ACTR3C: variants seen among roughly 807,000 people sequenced by gnomAD.
ACTR3C encodes actin related protein 3C, also known as actin-related protein 3C.
In ACTR3C, 18 loss-of-function variants were observed where a neutral mutation model predicts 26.3. That is an observed-to-expected ratio of 0.68 (90% CI 0.47 to 1.01). The LOEUF (loss-of-function observed/expected upper bound fraction) is 1.01. Among genes scored for constraint, ACTR3C ranks in the 50% least tolerant of loss-of-function variants. The probability of loss-of-function intolerance (pLI) is 0.00; values close to 1 mark genes in which losing one functional copy is unlikely to be tolerated. For missense variants in ACTR3C, 184 were observed against 250.7 expected (o/e 0.73, Z 1.80); for synonymous variants, 55 against 94.5 (o/e 0.58, Z 2.42).
chr7:150,097,182 C>T, the ACTR3C span, among the ~76,000 whole-genome samples: 1 of 151,798 alleles, frequency 6.6e-6, no homozygotes. Context: ...CAAAGACATC[C>T]CCAAAGAATC....
chr7:150,311,748 G>C (rs902466267), intron 1 of ACTR3C, among the ~76,000 whole-genome samples: 1 of 152,166 alleles, frequency 6.6e-6, no homozygotes, highest in African/African-American at 2.4e-5. Context: ...GCCAGCTAAA[G>C]CTGGTGATGC....
At chr7:150,189,600 G>C in the ACTR3C span, among the ~76,000 whole-genome samples, 1 of 131,292 alleles carries the variant, frequency 7.6e-6, no homozygotes, top group Admixed American at 8.3e-5. Flanking sequence ...AACTTGATCT[G>C]TACCTCTGTA....
the ACTR3C span, among the ~76,000 whole-genome samples, chr7:150,134,312 G>T: frequency 6.6e-6 from 1 of 152,020 alleles, no homozygotes; most frequent in Non-Finnish European, 1.5e-5. Context: ...GAAGATGAAC[G>T]GGAGAAGGGG....
At chr7:150,066,712 T>C in the ACTR3C span, among the ~76,000 whole-genome samples, 1 of 152,226 alleles carries the variant, frequency 6.6e-6, no homozygotes, top group Admixed American at 6.5e-5. Context: ...GGCAGAGATA[T>C]TCTGTTAATC....
the ACTR3C span, among the ~76,000 whole-genome samples, chr7:150,162,985 C>G: frequency 6.9e-3 from 1,052 of 152,024 alleles, 8 homozygotes; most frequent in African/African-American, 0.024. Context: ...AACCTCATCT[C>G]TACTAAAAAT....
the ACTR3C span, among the ~76,000 whole-genome samples, chr7:150,212,821 G>A: frequency 6.6e-6 from 1 of 151,842 alleles, no homozygotes; most frequent in South Asian, 2.1e-4. Context: ...AAACAGCCTC[G>A]TATAATGGAA....
At chr7:150,042,510 G>A in the ACTR3C span, among the ~76,000 whole-genome samples, 8 of 119,376 alleles carry the variant, frequency 6.7e-5, no homozygotes, top group Admixed American at 1.7e-4. Flanking sequence ...GGATTGCCTC[G>A]CCCCCTGCGA....
chr7:150,189,485 C>T, the ACTR3C span, among the ~76,000 whole-genome samples: 1 of 149,126 alleles, frequency 6.7e-6, no homozygotes, highest in Non-Finnish European at 1.5e-5. Context: ...CACGTATTAA[C>T]TACCAAGATT....
At chr7:150,140,528 A>T in the ACTR3C span, among the ~76,000 whole-genome samples, 1 of 152,188 alleles carries the variant, frequency 6.6e-6, no homozygotes, top group East Asian at 1.9e-4. Context: ...ATTTTAAGAA[A>T]TGGCCACAGG....
chr7:150,266,503 C>T (rs1389606830), intron 6 of ACTR3C, among the ~76,000 whole-genome samples: 6 of 151,878 alleles, frequency 4.0e-5, no homozygotes, highest in Non-Finnish European at 7.4e-5. Flanking sequence ...TTAAAAACTT[C>T]GTAATTTTGT....
downstream of ACTR3C, among the ~76,000 whole-genome samples, chr7:150,238,943 A>C (rs1832023575): frequency 6.7e-6 from 1 of 150,178 alleles, no homozygotes; most frequent in Non-Finnish European, 1.5e-5. Flanking sequence ...CATATGACAA[A>C]GTCCATTCAT....
chr7:150,082,123 A>G, the ACTR3C span, among the ~76,000 whole-genome samples: 3 of 152,238 alleles, frequency 2.0e-5, no homozygotes, highest in African/African-American at 7.2e-5. Flanking sequence ...TTGTGAGCTT[A>G]GAAAGCTTGT....
At chr7:149,914,712 A>C in the ACTR3C span, among the ~76,000 whole-genome samples, 1 of 152,046 alleles carries the variant, frequency 6.6e-6, no homozygotes, top group African/African-American at 2.4e-5. Context: ...CTCAAACCAA[A>C]ATAAAATGAA....
At chr7:150,165,044 G>C in the ACTR3C span, among the ~76,000 whole-genome samples, 34 of 152,328 alleles carry the variant, frequency 2.2e-4, no homozygotes, top group East Asian at 1.5e-3. Flanking sequence ...GCAACGTGCA[G>C]AAATGGCATT....
the ACTR3C span, among the ~76,000 whole-genome samples, chr7:149,995,775 A>G: frequency 1.3e-5 from 2 of 152,266 alleles, no homozygotes; most frequent in African/African-American, 4.8e-5. Context: ...AGGTAAACAC[A>G]GGACCAACCA....
the ACTR3C span, among the ~76,000 whole-genome samples, chr7:149,952,115 G>A: frequency 1.3e-5 from 2 of 151,112 alleles, no homozygotes; most frequent in Non-Finnish European, 2.9e-5. Flanking sequence ...TGTCAGTTTT[G>A]TTGGATTAGG....
chr7:150,006,258 G>T, the ACTR3C span, among the ~76,000 whole-genome samples: 2 of 137,278 alleles, frequency 1.5e-5, no homozygotes, highest in African/African-American at 5.6e-5. Context: ...GTGCAGTGGC[G>T]CAATCTCGGC....
chr7:150,089,661 G>C, the ACTR3C span, among the ~76,000 whole-genome samples: 717 of 152,296 alleles, frequency 4.7e-3, 5 homozygotes, highest in African/African-American at 0.017. Flanking sequence ...CCTACGCTAG[G>C]TGCTGCCACG....
chr7:149,975,453 G>A, the ACTR3C span, among the ~76,000 whole-genome samples: 1 of 151,872 alleles, frequency 6.6e-6, no homozygotes, highest in African/African-American at 2.4e-5. Context: ...TAAGAAAGAA[G>A]AAAGATCTTG....
Sources: gnomAD v4.1 joint callset for allele counts (sites outside exome capture counted in the v4.1 genomes callset) on GRCh38, gnomAD v4.1.1 for gene constraint, MANE v1.5 for transcripts, NCBI Gene and HGNC (gene_info 2026-07-23, HGNC 2026-07-21) for gene names.